CWC22: variants seen among roughly 807,000 people sequenced by gnomAD.
CWC22 encodes pre-mRNA-splicing factor CWC22 homolog.
CWC22 carries 53 observed loss-of-function variants against 117.2 expected under a neutral mutation model. The observed-to-expected ratio is 0.45, with a 90% CI of 0.36 to 0.57. CWC22 has a LOEUF of 0.57. Ranked by LOEUF, CWC22 falls within the 20% of genes least tolerant of loss-of-function variation. The probability of loss-of-function intolerance (pLI) is 0.00; values close to 1 mark genes in which losing one functional copy is unlikely to be tolerated. For missense variants in CWC22, 980 were observed against 1,068.8 expected (o/e 0.92, Z 1.16); for synonymous variants, 360 against 355.6 (o/e 1.01, Z -0.14).
At position 179,954,261 on chromosome 2, in the gene CWC22, G is replaced by A; in HGVS notation, c.1633C>T (p.Arg545Ter). Residue 545 changes from arginine (R) to a stop codon, truncating the protein, a stop_gained, in exon 16 of 20, where the codon CGA becomes TGA. Coordinates refer to ENST00000410053, the MANE Select transcript of CWC22 (RefSeq NM_020943.3). LOFTEE classifies it high-confidence loss of function. ...TGAGCAAACATCTTAGCAACATTTCGCAACTTGTTTGTTTCCAAGCGATGG... is the reference window on the plus strand; with the variant it reads ...TGAGCAAACATCTTAGCAACATTTCACAACTTGTTTGTTTCCAAGCGATGG... ...TIHRLETNKLRNVAKMFAHLL... is the reference protein window; with the variant it reads ...TIHRLETNKL The A allele has an allele frequency of 1.2e-6, 2 of 1,611,618 alleles. No individual in the cohort carries two copies. Among genetic ancestry groups the A allele is most frequent in the Non-Finnish European group, 1.7e-6 (2 of 1,178,412 alleles).
At chr2:179,988,700 G>T in intron 2 of CWC22, 56 bp from the exon 3 acceptor site, 3 of 880,294 alleles carry the variant, frequency 3.4e-6, no homozygotes, top group South Asian at 1.8e-5. Flanking sequence ...TAATAACACA[G>T]ACTGAAATAC....
chr2:180,005,447 G>A (rs1248246131), intron 1 of CWC22, among the ~76,000 whole-genome samples: 1 of 152,132 alleles, frequency 6.6e-6, no homozygotes, highest in Non-Finnish European at 1.5e-5. Flanking sequence ...CGTGGTGGCG[G>A]GCACCTTAGT....
Position 179,952,512 on chromosome 2 carries a change from T to C in CWC22, c.1776A>G (p.Glu592=). ...CATTAAGTTTAGGAAGACCCATGTA[T>C]TCACACAGTTCCTGGAAAAATATTT... is the stretch of plus-strand genomic sequence containing the variant. ...FVKIFFQELC[E]YMGLPKLNAR... The change falls in exon 17 of 20, where the codon GAA becomes GAG. Residue 592 remains glutamate, a synonymous_variant. Coordinates refer to ENST00000410053, the MANE Select transcript of CWC22 (RefSeq NM_020943.3). 1 of 1,569,572 alleles carries C rather than the reference T, an allele frequency of 6.4e-7. No homozygotes were observed. Among genetic ancestry groups the C allele is most frequent in the Non-Finnish European group, 8.7e-7 (1 of 1,155,758 alleles).
intron 3 of CWC22, among the ~76,000 whole-genome samples, chr2:179,987,558 T>C (rs1462900489): frequency 2.0e-5 from 3 of 152,140 alleles, no homozygotes; most frequent in African/African-American, 7.2e-5. Context: ...TAAGTAATTA[T>C]GAATCAGGGC....
intron 17 of CWC22, among the ~76,000 whole-genome samples, chr2:179,951,650 G>A (rs1056156772): frequency 6.6e-6 from 1 of 152,126 alleles, no homozygotes; most frequent in Non-Finnish European, 1.5e-5. Context: ...TAACAAGCTT[G>A]GCAGTGTTGG....
intron 13 of CWC22, among the ~76,000 whole-genome samples, chr2:179,961,524 T>C (rs544768390): frequency 6.6e-6 from 1 of 152,002 alleles, no homozygotes; most frequent in Non-Finnish European, 1.5e-5. Flanking sequence ...AAACGGTAAT[T>C]GATACATTTT....
At chr2:179,965,642 T>C (rs1559288768) in intron 12 of CWC22, among the ~76,000 whole-genome samples, 1 of 152,212 alleles carries the variant, frequency 6.6e-6, no homozygotes, top group Non-Finnish European at 1.5e-5. Flanking sequence ...TTAATACTTT[T>C]TGAGCAGTTT....
chr2:179,980,661 C>T (rs3934054), intron 5 of CWC22, among the ~76,000 whole-genome samples: 2,885 of 151,988 alleles, frequency 0.019, 99 homozygotes, highest in African/African-American at 0.065. Flanking sequence ...CCGAGGTGGG[C>T]GGATCATGAC....
chr2:180,006,264 A>AAT lies in CWC22; in HGVS notation c.-114+602_-114+603insAT, dbSNP rs754521861. ...TCCTGCCTTCTCCACTTACCTCAGAAGAATTGTTAGGATTAAATGGAAATA... is the reference window on the plus strand; with the variant it reads ...TCCTGCCTTCTCCACTTACCTCAGAAATGAATTGTTAGGATTAAATGGAAATA... On this transcript the variant is annotated intron_variant, in intron 1 of 19. Transcript: ENST00000410053. 1.1e-3 allele frequency among the ~76,000 whole-genome samples: 168 copies of AAT among 152,332 alleles called. 1 individual carries two copies. Among genetic ancestry groups the AAT allele is most frequent in the Non-Finnish European group, 2.0e-3 (139 of 68,032 alleles).
At chr2:179,966,672 T>A (rs16867127) in intron 11 of CWC22, among the ~76,000 whole-genome samples, 2,876 of 152,272 alleles carry the variant, frequency 0.019, 101 homozygotes, top group African/African-American at 0.065. Context: ...TGAGACTACA[T>A]AAGGCCAGTC....
chr2:179,958,330 CAAAA>C (rs11453659), intron 14 of CWC22, among the ~76,000 whole-genome samples: 1 of 92,798 alleles, frequency 1.1e-5, no homozygotes, highest in Admixed American at 1.5e-4. Flanking sequence ...GACTCTGGCT[CAAAA>C]AAAAAAAAAA....
intron 19 of CWC22, among the ~76,000 whole-genome samples, chr2:179,946,612 G>A (rs1318903272): frequency 6.6e-6 from 1 of 152,032 alleles, no homozygotes; most frequent in Admixed American, 6.6e-5. Context: ...GACTCAAATG[G>A]TACATTTCTA....
At chr2:179,974,859 C>A (rs1687119119) in intron 6 of CWC22, among the ~76,000 whole-genome samples, 1 of 152,134 alleles carries the variant, frequency 6.6e-6, no homozygotes, top group Admixed American at 6.5e-5. Context: ...TCAAGCAATC[C>A]TCCCACCTCA....
intron 14 of CWC22, among the ~76,000 whole-genome samples, chr2:179,956,000 A>G (rs1686581842): frequency 6.6e-6 from 1 of 152,030 alleles, no homozygotes; most frequent in Non-Finnish European, 1.5e-5. Flanking sequence ...ACTGTAATAT[A>G]CTTGCTTTGT....
intron 2 of CWC22, among the ~76,000 whole-genome samples, chr2:179,991,521 G>A (rs1687566948): frequency 6.6e-6 from 1 of 152,180 alleles, no homozygotes. Context: ...GCCACCCACG[G>A]GCAGGCTGGG....
intron 2 of CWC22, among the ~76,000 whole-genome samples, chr2:179,991,961 A>C (rs2105553868): frequency 6.6e-6 from 1 of 152,286 alleles, no homozygotes; most frequent in East Asian, 1.9e-4. Flanking sequence ...GTCTTCTCAC[A>C]CTTGACAGAG....
At position 179,982,012 on chromosome 2, in the gene CWC22, T is replaced by C; in HGVS notation, c.207-15A>G. 14 of 1,421,374 alleles carry C rather than the reference T, an allele frequency of 9.8e-6. No individual in the cohort carries two copies. Among genetic ancestry groups the C allele is most frequent in the Non-Finnish European group, 1.3e-5 (13 of 1,034,902 alleles). The allele number at this position is 1,421,374 out of a possible 1,614,324, so 88.0% of individuals were successfully genotyped here. On this transcript the variant is annotated splice_polypyrimidine_tract_variant and intron_variant, in intron 4 of 19. Transcript: ENST00000410053. ...GGTCCCTGTTTCTGTAATATAAATT[T>C]TTTGAAGAGCAGAAAAGACAATATA...
rs370331309 is a variant in CWC22 at position 179,981,950 on chromosome 2, C to T, written c.254G>A (p.Arg85Gln). Residue 85 changes from arginine (R) to glutamine (Q), a missense_variant, in exon 5 of 20, where the codon CGG (arginine) becomes CAG (glutamine). By Grantham distance (43) the Arg-to-Gln change is conservative. This residue lies in a region of CWC22 where 559 missense variants were observed against 602.3 expected (regional missense o/e 0.93). Transcript: ENST00000410053. ...KRRERERDTD[R>Q]KRSRKSPSPG... is the part of the protein sequence containing the mutation. ...AGATGGGGATTTCCGAGACCTTTTC[C>T]GATCCGTATCTCTTTCTCTTTCTCT... The T allele has an allele frequency of 2.0e-4, 305 of 1,560,338 alleles. No individual in the cohort carries two copies. Among genetic ancestry groups the T allele is most frequent in the Non-Finnish European group, 2.5e-4 (290 of 1,151,112 alleles).
At chr2:179,957,163 T>G (rs564733277) in intron 14 of CWC22, among the ~76,000 whole-genome samples, 1 of 152,282 alleles carries the variant, frequency 6.6e-6, no homozygotes, top group South Asian at 2.1e-4. Flanking sequence ...GTAATTTCAG[T>G]GACAATTATA....
Sources: allele counts gnomAD v4.1 joint callset (sites outside exome capture counted in the v4.1 genomes callset), GRCh38; gene constraint gnomAD v4.1.1; regional missense constraint gnomAD v4.1.1; transcripts MANE v1.5; gene names NCBI Gene and HGNC (gene_info 2026-07-23, HGNC 2026-07-21).